NOS3: variants seen among roughly 807,000 people sequenced by gnomAD.
NOS3 encodes the protein NOS type III.
Under a neutral mutation model 144.9 loss-of-function variants are expected in NOS3, and 98 were observed. The ratio of observed to expected loss-of-function variants is 0.68; its 90% CI spans 0.57 to 0.80. NOS3 has a LOEUF of 0.80. Ranked by LOEUF, NOS3 falls within the 30% of genes least tolerant of loss-of-function variation. The pLI, the probability that NOS3 is intolerant of heterozygous loss-of-function variation, is 0.00. For missense variants in NOS3, 1,465 were observed against 1,656.4 expected, an observed-to-expected ratio of 0.88 and a Z score of 2.01; for synonymous variants, 714 against 702.4, an observed-to-expected ratio of 1.02 and a Z score of -0.26.
In NOS3 at chr7:150,992,012, T is replaced by A. The variant is rs868837173; in HGVS notation, c.-52+712T>A. On this transcript the variant is annotated intron_variant, in intron 1 of 26. Transcript: ENST00000297494. Reference sequence around the variant, plus strand: ...ACTCTGTCTCAAAAAAAAAAAAAAATTAGCCAGGCGTGGTGGTGGGTGCCT... The same window carrying A: ...ACTCTGTCTCAAAAAAAAAAAAAAAATAGCCAGGCGTGGTGGTGGGTGCCT... 1.0e-2 allele frequency among the ~76,000 whole-genome samples: 1,485 copies of A among 148,920 alleles called. 24 individuals carry two copies. Among genetic ancestry groups the A allele is most frequent in the African/African-American group, 0.035 (1,400 of 40,238 alleles).
Position 151,010,291 on chromosome 7 carries a change from G to A in NOS3, c.2685+4G>A. On this transcript the variant is annotated splice_donor_region_variant and intron_variant, in intron 21 of 26. Transcript: ENST00000297494. ...GGAGCTGGAGGCCCTCAGCCAGGTTGGGGGCCACCCCAATGAGGCACAGGG... is the reference window on the plus strand; with the variant it reads ...GGAGCTGGAGGCCCTCAGCCAGGTTAGGGGCCACCCCAATGAGGCACAGGG... 1 of 1,610,928 alleles carries A rather than the reference G, an allele frequency of 6.2e-7. No homozygotes were observed. Among genetic ancestry groups the A allele is most frequent in the Non-Finnish European group, 8.5e-7 (1 of 1,178,932 alleles).
chr7:151,007,829 G>C (rs1490815680), intron 17 of NOS3, among the ~76,000 whole-genome samples: 1 of 152,230 alleles, frequency 6.6e-6, no homozygotes, highest in Non-Finnish European at 1.5e-5. Flanking sequence ...CAGGGGCAGT[G>C]CTGCCTGTCT....
chr7:151,013,760 G>A lies in NOS3; in HGVS notation c.3292G>A (p.Ala1098Thr), dbSNP rs761850720. 1.2e-6 allele frequency: 2 copies of A among 1,611,094 alleles called. No individual in the cohort carries two copies. The highest frequency in any genetic ancestry group is 1.3e-5 in the African/African-American group (1 of 74,902). Residue 1098 changes from alanine to threonine, a missense_variant, in exon 26 of 27, where the codon GCG becomes ACG. This residue lies in a region of NOS3 where 228 missense variants were observed against 227.7 expected (regional missense o/e 1.00). Transcript: ENST00000297494. ...VQDILRTELAAEVHRVLCLER... is the reference protein window; with the variant it reads ...VQDILRTELATEVHRVLCLER... ...GGACATCCTGAGGACGGAGCTGGCT[G>A]CGGAGGTGCACCGCGTGCTGTGCCT... is the stretch of plus-strand genomic sequence containing the variant.
At chr7:150,997,423 T>C (rs1357530846) in intron 5 of NOS3, among the ~76,000 whole-genome samples, 1 of 152,096 alleles carries the variant, frequency 6.6e-6, no homozygotes, top group Non-Finnish European at 1.5e-5. Context: ...GCCAGTCCAG[T>C]GCAGCCCCTC....
chr7:151,002,156 T>C lies in NOS3; in HGVS notation c.1648-44T>C, dbSNP rs763248385. 7 of 1,453,090 alleles carry C rather than the reference T, an allele frequency of 4.8e-6. No homozygotes were observed. Among genetic ancestry groups the C allele is most frequent in the African/African-American group, 1.4e-5 (1 of 71,526 alleles). The allele number at this position is 1,453,090 out of a possible 1,614,324, so 90.0% of individuals were successfully genotyped here. On this transcript the variant is annotated intron_variant, in intron 13 of 26. Transcript: ENST00000297494. This position sits in a 1 kb window ranked among gnomAD's most constrained non-coding sequence, Gnocchi z 4.1. ...AGGCCAGAGTGAGGAGGGCAGGGCCTCCGGGGGCCACAGCACCCAGGACAT... is the reference window on the plus strand; with the variant it reads ...AGGCCAGAGTGAGGAGGGCAGGGCCCCCGGGGGCCACAGCACCCAGGACAT...
In NOS3 at chr7:150,996,941, G is replaced by A. The variant is rs544086211; in HGVS notation, c.582+16G>A. On this transcript the variant is annotated intron_variant, in intron 5 of 26. Coordinates refer to ENST00000297494, the MANE Select transcript of NOS3 (RefSeq NM_000603.5). ...GAAGCTGCAGGTGCGGCTGGCCAGC[G>A]ACTGAGAGACCCGGGCGCTACCAAA... The A allele has an allele frequency of 7.1e-6, 11 of 1,550,252 alleles. No homozygotes were observed. The highest frequency in any genetic ancestry group is 2.4e-5 in the East Asian group (1 of 41,458).
In NOS3 at chr7:150,998,510, C is replaced by G. The variant is rs779921058; in HGVS notation, c.675-29C>G. ...TCCCCAAGGCAGGGAAGGCGGGGCT[C>G]TGACCAGCTCTTTCCCCATGCGTGC... On this transcript the variant is annotated intron_variant, in intron 6 of 26. Transcript: ENST00000297494. The surrounding 1 kb of genome is among the most constrained non-coding windows in gnomAD (Gnocchi z 5.0). 6.2e-7 allele frequency: 1 copy of G among 1,610,972 alleles called. No individual in the cohort carries two copies. The highest frequency in any genetic ancestry group is 8.5e-7 in the Non-Finnish European group (1 of 1,179,236).
rs751333962 is a variant in NOS3, at chr7:150,993,685, G to T, written c.-51-68G>T. ...CCCATTGTGTATGGGATAGGGGCGG[G>T]GCGAGGGCCAGCACTGGAGAGCCCC... On this transcript the variant is annotated intron_variant, in intron 1 of 26. Transcript: ENST00000297494. The surrounding 1 kb of genome is among the most constrained non-coding windows in gnomAD (Gnocchi z 4.0). The T allele has an allele frequency of 4.4e-5, 45 of 1,020,984 alleles. No individual in the cohort carries two copies. Among genetic ancestry groups the T allele is most frequent in the Non-Finnish European group, 5.2e-5 (37 of 706,552 alleles). The allele number at this position is 1,020,984 out of a possible 1,614,324, so 63.2% of individuals were successfully genotyped here. A position where few individuals can be genotyped will look rare whatever the true frequency, so the allele number is the denominator to read the frequency against.
chr7:150,992,451 C>T (rs533546222), intron 1 of NOS3, among the ~76,000 whole-genome samples: 7 of 152,290 alleles, frequency 4.6e-5, no homozygotes, highest in Admixed American at 2.0e-4. Flanking sequence ...GGCTGAATGC[C>T]GCCCTTCCAT....
chr7:150,992,997 A>G (rs193201584), intron 1 of NOS3, among the ~76,000 whole-genome samples: 247 of 152,106 alleles, frequency 1.6e-3, no homozygotes, highest in African/African-American at 5.7e-3. Context: ...TGGCCGGCTG[A>G]CCCTGCCTCA....
chr7:151,008,521 G>A (rs1344276229), intron 17 of NOS3, among the ~76,000 whole-genome samples: 1 of 152,184 alleles, frequency 6.6e-6, no homozygotes, highest in Non-Finnish European at 1.5e-5. Flanking sequence ...TTTACATAAA[G>A]TATCTCATTT....
intron 14 of NOS3, 81 bp from the exon 15 acceptor site, chr7:151,006,346 G>C: frequency 1.1e-6 from 1 of 939,122 alleles, no homozygotes. Context: ...TAATAATGAG[G>C]ATCAGCTGGT....
In NOS3 at chr7:151,002,139, G is replaced by A. The variant is rs1795119298; in HGVS notation, c.1648-61G>A. 1 of 1,415,606 alleles carries A rather than the reference G, an allele frequency of 7.1e-7. No homozygotes were observed. Among genetic ancestry groups the A allele is most frequent in the Non-Finnish European group, 9.8e-7 (1 of 1,019,824 alleles). 87.7% of individuals were successfully genotyped at this position (1,415,606 alleles called of 1,614,324 possible). On this transcript the variant is annotated intron_variant, in intron 13 of 26. Coordinates refer to ENST00000297494, the MANE Select transcript of NOS3 (RefSeq NM_000603.5). This position sits in a 1 kb window ranked among gnomAD's most constrained non-coding sequence, Gnocchi z 4.1. The stretch of plus-strand genomic sequence containing the variant: ...ATCTTGCACTGCCAGGGAGGCCAGA[G>A]TGAGGAGGGCAGGGCCTCCGGGGGC...
chr7:150,991,340 C>A, intron 1 of NOS3, 40 bp downstream of exon 1: 1 of 152,398 alleles, frequency 6.6e-6, no homozygotes. Context: ...TGGTGCACCT[C>A]CAGAGCTGCC....
Position 151,003,477 on chromosome 7 carries a change from G to A in NOS3, c.1752+1173G>A, listed in dbSNP as rs1795158057. The A allele has an allele frequency of 1.6e-6, 2 of 1,227,854 alleles. No individual in the cohort carries two copies. Among genetic ancestry groups the A allele is most frequent in the Admixed American group, 2.9e-5 (1 of 34,402 alleles). 76.1% of individuals were successfully genotyped at this position (1,227,854 alleles called of 1,614,324 possible). The stretch of plus-strand genomic sequence containing the variant: ...TCGTGAAACCCTTTTTGCTGCCTTA[G>A]TGTCCGTTTCAGCCCTCATTCTGAC... On this transcript the variant is annotated intron_variant, in intron 14 of 26. Coordinates refer to ENST00000297494, the MANE Select transcript of NOS3 (RefSeq NM_000603.5). This position sits in a 1 kb window ranked among gnomAD's most constrained non-coding sequence, Gnocchi z 4.1.
chr7:151,000,436 TCCCCA>T, intron 9 of NOS3, 57 bp from the exon 10 acceptor site: 2 of 1,048,186 alleles, frequency 1.9e-6, no homozygotes, highest in Non-Finnish European at 3.0e-6. Context: ...AGAGATAGTC[TCCCCA>T]CCCCACCCCC....
In NOS3 at chr7:151,000,536, C is replaced by G; in HGVS notation, c.1170C>G (p.Thr390=). The part of the protein sequence containing the change: ...AVCMDLDTRT[T]SSLWKDKAAV... The stretch of plus-strand genomic sequence containing the variant: ...GCATGGACCTGGATACCCGGACCAC[C>G]TCGTCCCTGTGGAAAGACAAGGCAG... Residue 390 remains threonine (T), a synonymous_variant, in exon 10 of 27, where the codon ACC becomes ACG. Coordinates refer to ENST00000297494, the MANE Select transcript of NOS3 (RefSeq NM_000603.5). The G allele has an allele frequency of 1.9e-6, 3 of 1,613,624 alleles. No individual in the cohort carries two copies. The highest frequency in any genetic ancestry group is 2.5e-6 in the Non-Finnish European group (3 of 1,179,892).
At chr7:150,991,508 G>T (rs1471190954) in intron 1 of NOS3, among the ~76,000 whole-genome samples, 1 of 152,222 alleles carries the variant, frequency 6.6e-6, no homozygotes, top group African/African-American at 2.4e-5. Context: ...TTCAAGCAGT[G>T]CACCAAGGAA....
Position 150,996,785 on chromosome 7 carries a change from CA to C in NOS3, c.443del (p.Gln148ArgfsTer211). Reference sequence around the variant, plus strand: ...CAGGAGCGGCTCCCAGGCCCACGAACAGCGGCTTCAAGAGGTGGAAGCCGAG... The same window carrying C: ...CAGGAGCGGCTCCCAGGCCCACGAACGCGGCTTCAAGAGGTGGAAGCCGAG... The part of the protein sequence containing the change: ...IKRSGSQAHE[Q>X]RLQEVEAEVA... On this transcript the variant is annotated frameshift_variant, in exon 5 of 27. Transcript: ENST00000297494. LOFTEE classifies it high-confidence loss of function. The C allele has an allele frequency of 6.2e-7, 1 of 1,611,576 alleles. No homozygotes were observed. The highest frequency in any genetic ancestry group is 8.5e-7 in the Non-Finnish European group (1 of 1,179,684).
Sources: gnomAD v4.1 joint callset for allele counts (sites outside exome capture counted in the v4.1 genomes callset) on GRCh38, gnomAD v4.1.1 for gene constraint, gnomAD v4.1.1 regional missense constraint, Gnocchi (gnomAD v3.1) non-coding constraint, MANE v1.5 for transcripts, NCBI Gene and HGNC (gene_info 2026-07-23, HGNC 2026-07-21) for gene names.